Variants in SEC24D observed in about 807,000 individuals in gnomAD.
The protein encoded by SEC24D is protein transport protein Sec24D.
Under a neutral mutation model 116.9 loss-of-function variants are expected in SEC24D, and 69 were observed. The ratio of observed to expected loss-of-function variants is 0.59; its 90% confidence interval spans 0.49 to 0.72. The LOEUF is 0.72. Among genes scored for constraint, SEC24D ranks in the 30% least tolerant of loss-of-function variants. The pLI is 0.00. For missense variants in SEC24D, 1,131 were observed against 1,264.1 expected (o/e 0.89, Z 1.60); for synonymous variants, 405 against 442.8 (o/e 0.91, Z 1.07).
At chr4:118,765,832 A>C (rs1312026500) in intron 9 of SEC24D, among the ~76,000 whole-genome samples, 1 of 151,762 alleles carries the variant, frequency 6.6e-6, no homozygotes, top group African/African-American at 2.4e-5. Flanking sequence ...CTTTTTTTAA[A>C]AAAAAAACCC....
At chr4:118,767,441 AAG>A (rs200996781) in intron 9 of SEC24D, among the ~76,000 whole-genome samples, 6,087 of 152,298 alleles carry the variant, frequency 0.04, 178 homozygotes, top group Non-Finnish European at 0.063. Flanking sequence ...AGAAACAGAG[AAG>A]AAAACTCATA....
At chr4:118,744,717 G>A (rs1578391629) in intron 14 of SEC24D, among the ~76,000 whole-genome samples, 1 of 152,178 alleles carries the variant, frequency 6.6e-6, no homozygotes, top group African/African-American at 2.4e-5. Flanking sequence ...GAGCCACCGC[G>A]CCCAGCCTGG....
At chr4:118,806,147 T>A (rs1729666856) in intron 6 of SEC24D, among the ~76,000 whole-genome samples, 193 bp from the exon 7 acceptor site, 1 of 152,120 alleles carries the variant, frequency 6.6e-6, no homozygotes, top group Admixed American at 6.6e-5. Context: ...TCATTTCAGA[T>A]CAAATTGTCA....
At chr4:118,774,243 A>G (rs1728037758) in intron 8 of SEC24D, among the ~76,000 whole-genome samples, 1 of 151,954 alleles carries the variant, frequency 6.6e-6, no homozygotes. Flanking sequence ...TGTCTTAATT[A>G]TATCTACAGC....
chr4:118,757,493 GT>G (rs1727158457), intron 11 of SEC24D, among the ~76,000 whole-genome samples: 1 of 152,140 alleles, frequency 6.6e-6, no homozygotes, highest in African/African-American at 2.4e-5. Flanking sequence ...TACTTTGAAA[GT>G]TCTTTACCAT....
chr4:118,835,786 G>A (rs1055000183), intron 1 of SEC24D, among the ~76,000 whole-genome samples, 155 bp downstream of exon 1: 2 of 152,196 alleles, frequency 1.3e-5, no homozygotes, highest in Admixed American at 1.3e-4. Context: ...GCACTAGAAG[G>A]CTAAAGAACA....
At chr4:118,742,103 C>T (rs1167568446) in intron 15 of SEC24D, among the ~76,000 whole-genome samples, 1 of 151,940 alleles carries the variant, frequency 6.6e-6, no homozygotes, top group Admixed American at 6.6e-5. Flanking sequence ...TATGGATACA[C>T]TGAGGTACAA....
At chr4:118,831,469 C>T (rs959833277) in intron 2 of SEC24D, among the ~76,000 whole-genome samples, 28 of 152,062 alleles carry the variant, frequency 1.8e-4, no homozygotes, top group African/African-American at 2.4e-4. Context: ...GTGACTGTGA[C>T]GTGCCTCAAC....
At chr4:118,795,550 T>C (rs1304028095) in intron 8 of SEC24D, among the ~76,000 whole-genome samples, 2 of 152,106 alleles carry the variant, frequency 1.3e-5, no homozygotes, top group Non-Finnish European at 2.9e-5. Flanking sequence ...GGTATGCTCA[T>C]ACAATGAATT....
At position 118,752,863 on chromosome 4, in the gene SEC24D, T is replaced by C; in HGVS notation, c.1447A>G (p.Ile483Val). The C allele has an allele frequency of 6.3e-7, 1 of 1,589,556 alleles. No homozygotes were observed. The highest frequency in any genetic ancestry group is 8.5e-7 in the Non-Finnish European group (1 of 1,171,938). The stretch of plus-strand genomic sequence containing the variant: ...TTATATGTGATAAAACCCACTCGAA[T>C]TGCAGACGTCTCTTCTTGCTCTTCC... Reference protein sequence around the residue: ...PKEEQEETSAIRVGFITYNKV... With the variant: ...PKEEQEETSAVRVGFITYNKV... Residue 483 changes from isoleucine to valine, a missense_variant, in exon 12 of 23, where the codon ATT becomes GTT. Coordinates refer to ENST00000280551, the MANE Select transcript of SEC24D (RefSeq NM_014822.4).
At position 118,752,877 on chromosome 4, in the gene SEC24D, T is replaced by A. The variant is rs371667982; in HGVS notation, c.1433A>T (p.Glu478Val). Residue 478 changes from glutamate (E) to valine (V), a missense_variant, in exon 12 of 23, where the codon GAA becomes GTA. Coordinates refer to ENST00000280551, the MANE Select transcript of SEC24D (RefSeq NM_014822.4). Reference sequence around the variant, plus strand: ...ACCCACTCGAATTGCAGACGTCTCTTCTTGCTCTTCCCTGTAAGGAAAAAA... The same window carrying A: ...ACCCACTCGAATTGCAGACGTCTCTACTTGCTCTTCCCTGTAAGGAAAAAA... ...MLEKIPKEEQ[E>V]ETSAIRVGFI... is the part of the protein sequence containing the mutation. 3 of 1,571,608 alleles carry A rather than the reference T, an allele frequency of 1.9e-6. No homozygotes were observed. The African/African-American group carries it at 4.2e-5, about 22-fold the overall frequency.
intron 12 of SEC24D, 87 bp from the exon 13 acceptor site, chr4:118,752,176 AAAC>A: frequency 1.2e-6 from 1 of 852,882 alleles, no homozygotes; most frequent in African/African-American, 1.7e-5. Flanking sequence ...TTTCAAGCCT[AAAC>A]ACATATGGTA....
chr4:118,725,422 T>C (rs1055304037), intron 22 of SEC24D, among the ~76,000 whole-genome samples: 1 of 152,212 alleles, frequency 6.6e-6, no homozygotes, highest in African/African-American at 2.4e-5. Context: ...AACTTTACTA[T>C]TGTCCATGAT....
Position 118,833,664 on chromosome 4 carries a change from C to A in SEC24D, c.33G>T (p.Pro11=), listed in dbSNP as rs771388135. The A allele has an allele frequency of 6.2e-7, 1 of 1,613,634 alleles. No individual in the cohort carries two copies. Among genetic ancestry groups the A allele is most frequent in the Non-Finnish European group, 8.5e-7 (1 of 1,179,836 alleles). Reference sequence around the variant, plus strand: ...CTATTCCAGGCTGAGGCTGAGAATACGGAGGTGTAGCCACGTAACCTTGTT... The same window carrying A: ...CTATTCCAGGCTGAGGCTGAGAATAAGGAGGTGTAGCCACGTAACCTTGTT... MSQQGYVATP[P]YSQPQPGIGL... Residue 11 remains proline (P), a synonymous_variant, in exon 2 of 23, where the codon CCG becomes CCT. Coordinates refer to ENST00000280551, the MANE Select transcript of SEC24D (RefSeq NM_014822.4).
chr4:118,733,498 CA>C (rs775858873), intron 19 of SEC24D, among the ~76,000 whole-genome samples: 40 of 152,022 alleles, frequency 2.6e-4, no homozygotes, highest in South Asian at 8.3e-4. Context: ...TTAAACTCAT[CA>C]AAAAAATATT....
intron 9 of SEC24D, 72 bp from the exon 10 acceptor site, chr4:118,764,989 T>A: frequency 1.2e-6 from 1 of 862,538 alleles, no homozygotes; most frequent in Non-Finnish European, 1.9e-6. Context: ...GTTCTCAAAA[T>A]TTATTATGAG....
intron 8 of SEC24D, among the ~76,000 whole-genome samples, chr4:118,781,965 A>T (rs1324216368): frequency 6.6e-6 from 1 of 152,040 alleles, no homozygotes; most frequent in Admixed American, 6.5e-5. Context: ...TTCACTGTTT[A>T]TTCTAGTTAG....
At chr4:118,754,077 G>A (rs1453418512) in intron 11 of SEC24D, 1 of 152,100 alleles carries the variant, frequency 6.6e-6, no homozygotes, top group African/African-American at 2.4e-5. Flanking sequence ...ATAAGGTACT[G>A]ACTCTGAACT....
intron 6 of SEC24D, among the ~76,000 whole-genome samples, chr4:118,813,438 G>A (rs1029097671): frequency 6.6e-6 from 1 of 152,242 alleles, no homozygotes; most frequent in African/African-American, 2.4e-5. Context: ...GGGGCCACAT[G>A]TGGTGACAGC....
Sources: gnomAD v4.1 joint callset for allele counts (sites outside exome capture counted in the v4.1 genomes callset) on GRCh38, gnomAD v4.1.1 for gene constraint, MANE v1.5 for transcripts, NCBI Gene and HGNC (gene_info 2026-07-23, HGNC 2026-07-21) for gene names.